The following SDR42E2 variants were observed in gnomAD, a reference collection of about 807,000 sequenced individuals.
SDR42E2 encodes short chain dehydrogenase/reductase family 42E, member 2.
A neutral mutation model predicts 10.5 loss-of-function variants in SDR42E2; 20 were observed. The ratio of observed to expected loss-of-function variants is 1.90; its 90% CI spans 1.34 to 2.77. SDR42E2 has a LOEUF of 2.77. SDR42E2 is among the 30% of genes most tolerant of loss of function. The pLI, the probability that SDR42E2 is intolerant of heterozygous loss-of-function variation, is 0.00. For missense variants in SDR42E2, 162 were observed against 104.2 expected (o/e 1.55, Z -2.42); for synonymous variants, 72 against 39.2 (o/e 1.84, Z -3.12).
chr16:22,178,259 C>T (rs1358256739), intron 8 of SDR42E2, 47 bp downstream of exon 8: 2 of 699,124 alleles, frequency 2.9e-6, no homozygotes, highest in South Asian at 3.0e-5. Context: ...AGGATCCTGG[C>T]TGAGGTGTAC....
At chr16:22,172,358 C>A (rs745614697) in intron 7 of SDR42E2, 27 bp downstream of exon 7, 1 of 703,548 alleles carries the variant, frequency 1.4e-6, no homozygotes, top group Non-Finnish European at 2.6e-6. Flanking sequence ...TCTGCTTGTA[C>A]CAAATGCACC....
intron 5 of SDR42E2, 100 bp downstream of exon 5, chr16:22,169,602 C>A: frequency 2.9e-6 from 2 of 698,884 alleles, no homozygotes; most frequent in South Asian, 3.0e-5. Flanking sequence ...AAAGGGAGGG[C>A]CTGTGGGCAG....
intron 10 of SDR42E2, among the ~76,000 whole-genome samples, chr16:22,183,038 C>G (rs1450531184): frequency 2.0e-5 from 3 of 152,104 alleles, no homozygotes; most frequent in Non-Finnish European, 2.9e-5. Flanking sequence ...ACACCTCTGG[C>G]AACATTGGAA....
At position 22,190,373 on chromosome 16, in the gene SDR42E2, GCCGCCGTGGAGCGCCTGTGACCGT is replaced by G. The variant is rs2046764784; in HGVS notation, c.1257_*11del. The G allele has an allele frequency of 2.5e-6, 1 of 401,980 alleles. No homozygotes were observed. Among genetic ancestry groups the G allele is most frequent in the Non-Finnish European group, 4.4e-6 (1 of 227,698 alleles). 24.9% of individuals were successfully genotyped at this position (401,980 alleles called of 1,614,324 possible). On this transcript the variant is annotated stop_lost and 3_prime_UTR_variant, in exon 13 of 13. Coordinates refer to ENST00000602312, the MANE Select transcript of SDR42E2 (RefSeq NM_001394319.2). ...CTTCCTAGGCCTGCAGCCTCTGCAC[GCCGCCGTGGAGCGCCTGTGACCGT>G]CCGCCGTCCGCCGCCCGCTAGGGTC...
chr16:22,178,805 A>G (rs1246316670), intron 8 of SDR42E2, among the ~76,000 whole-genome samples: 1 of 152,184 alleles, frequency 6.6e-6, no homozygotes, highest in Non-Finnish European at 1.5e-5. Flanking sequence ...AGTGGTAGAG[A>G]GAAGATAGGC....
chr16:22,172,393 T>G, intron 7 of SDR42E2, 62 bp downstream of exon 7: 4 of 703,072 alleles, frequency 5.7e-6, no homozygotes, highest in Non-Finnish European at 1.0e-5. Context: ...TCCTCCAAAA[T>G]ACATGTGTGA....
chr16:22,166,532 G>C (rs1403509898), intron 3 of SDR42E2, 98 bp downstream of exon 3: 2 of 402,978 alleles, frequency 5.0e-6, no homozygotes, highest in South Asian at 1.3e-4. Flanking sequence ...GGGGCACACT[G>C]TTTGAAGCCA....
chr16:22,187,293 G>A (rs1417150382), intron 12 of SDR42E2, among the ~76,000 whole-genome samples: 1 of 152,010 alleles, frequency 6.6e-6, no homozygotes, highest in African/African-American at 2.4e-5. Context: ...TCACTATATT[G>A]TCCAGGCTGG....
rs1598131026 is a variant in SDR42E2 at position 22,169,458 on chromosome 16, A to T, written c.350A>T (p.Gln117Leu). 1.4e-6 allele frequency: 1 copy of T among 703,476 alleles called. No individual in the cohort carries two copies. Among genetic ancestry groups the T allele is most frequent in the African/African-American group, 1.7e-5 (1 of 57,274 alleles). The allele number at this position is 703,476 out of a possible 1,614,324, so 43.6% of individuals were successfully genotyped here. A position where few individuals can be genotyped will look rare whatever the true frequency, so the allele number is the denominator to read the frequency against. The stretch of plus-strand genomic sequence containing the variant: ...CTTGTCTTTTAGCTGCAGAAAGAGC[A>T]GATTGAGTCTATAAATGTTGGAGGC... Reference protein sequence around the residue: ...MSGAEKLQKEQIESINVGGTK... With the variant: ...MSGAEKLQKELIESINVGGTK... Residue 117 changes from glutamine to leucine, a missense_variant, in exon 5 of 13, where the codon CAG becomes CTG. Coordinates refer to ENST00000602312, the MANE Select transcript of SDR42E2 (RefSeq NM_001394319.2).
intron 2 of SDR42E2, 91 bp from the exon 3 acceptor site, chr16:22,166,159 T>A (rs907387148): frequency 6.7e-6 from 3 of 446,854 alleles, no homozygotes; most frequent in Admixed American, 8.6e-5. Flanking sequence ...AGGAGCTGGG[T>A]CTACACCTGA....
chr16:22,170,797 GTGTT>G (rs1409308845), intron 5 of SDR42E2, 32 bp from the exon 6 acceptor site: 1 of 702,958 alleles, frequency 1.4e-6, no homozygotes, highest in South Asian at 1.5e-5. Flanking sequence ...ATGTGTGTGT[GTGTT>G]TATTTGTTGC....
At chr16:22,186,215 T>C (rs2046735494) in intron 11 of SDR42E2, among the ~76,000 whole-genome samples, 1 of 152,120 alleles carries the variant, frequency 6.6e-6, no homozygotes, top group African/African-American at 2.4e-5. Context: ...GTTCAATTTT[T>C]TTTTTTTTTC....
intron 3 of SDR42E2, among the ~76,000 whole-genome samples, chr16:22,166,684 CCT>C (rs997679148): frequency 3.3e-5 from 5 of 152,032 alleles, no homozygotes; most frequent in Non-Finnish European, 7.4e-5. Context: ...TAGCACAGCC[CCT>C]GTCACCTACA....
At chr16:22,175,105 G>T (rs1418340030) in intron 7 of SDR42E2, among the ~76,000 whole-genome samples, 1 of 152,054 alleles carries the variant, frequency 6.6e-6, no homozygotes, top group East Asian at 1.9e-4. Flanking sequence ...TCTGTCTCTG[G>T]GTGTGTTAGT....
chr16:22,175,298 A>G (rs1042151127), intron 7 of SDR42E2, among the ~76,000 whole-genome samples: 4 of 152,012 alleles, frequency 2.6e-5, no homozygotes, highest in Non-Finnish European at 4.4e-5. Context: ...CATCTCTACA[A>G]AAAAATACAA....
intron 7 of SDR42E2, 63 bp from the exon 8 acceptor site, chr16:22,178,067 T>A: frequency 1.5e-6 from 1 of 681,782 alleles, no homozygotes; most frequent in South Asian, 1.5e-5. Context: ...AGGTGGCCTC[T>A]CTCTCCCTCT....
chr16:22,184,910 G>C (rs562738143), intron 11 of SDR42E2, among the ~76,000 whole-genome samples: 1 of 152,140 alleles, frequency 6.6e-6, no homozygotes, highest in Admixed American at 6.6e-5. Flanking sequence ...GCGGAGAGGC[G>C]GAATTCACAA....
Position 22,191,067 on chromosome 16 carries a change from C to T in SDR42E2, c.*674C>T, listed in dbSNP as rs2046772265. The T allele has an allele frequency of 1.3e-5, 2 of 153,968 alleles. No homozygotes were observed. Among genetic ancestry groups the T allele is most frequent in the Non-Finnish European group, 2.9e-5 (2 of 68,892 alleles). 9.5% of individuals were successfully genotyped at this position (153,968 alleles called of 1,614,324 possible). A position where few individuals can be genotyped will look rare whatever the true frequency, so the allele number is the denominator to read the frequency against. ...ATCTTTCCTACGTCCATGACCCTCC[C>T]TCCAGGCCCTGGCCCTGCCCCTTTT... On this transcript the variant is annotated 3_prime_UTR_variant, in exon 13 of 13. Transcript: ENST00000602312.
chr16:22,181,460 G>T, intron 8 of SDR42E2, 59 bp from the exon 9 acceptor site: 1 of 702,128 alleles, frequency 1.4e-6, no homozygotes, highest in South Asian at 1.5e-5. Flanking sequence ...TCAGCATCTA[G>T]ACGGAATGTA....
Sources: gnomAD v4.1 joint callset for allele counts (sites outside exome capture counted in the v4.1 genomes callset) on GRCh38, gnomAD v4.1.1 for gene constraint, MANE v1.5 for transcripts, NCBI Gene and HGNC (gene_info 2026-07-23, HGNC 2026-07-21) for gene names.